The following BPIFA2 variants were observed in gnomAD, a reference collection of about 807,000 sequenced individuals.
BPIFA2 encodes the protein BPI fold-containing family A member 2.
A neutral mutation model predicts 25.7 loss-of-function variants in BPIFA2; 20 were observed. That is an observed-to-expected ratio of 0.78 (90% confidence interval 0.55 to 1.13). The LOEUF is 1.13. Ranked by LOEUF, BPIFA2 falls within the 50% of genes most tolerant of loss-of-function variation. BPIFA2 has a pLI of 0.00. For synonymous variants in BPIFA2, 126 were observed against 124.3 expected, an observed-to-expected ratio of 1.01 and a Z score of -0.09; for missense variants, 300 against 298.1, an observed-to-expected ratio of 1.01 and a Z score of -0.05.
intron 2 of BPIFA2, among the ~76,000 whole-genome samples, chr20:33,169,877 C>T (rs1983843054): frequency 6.6e-6 from 1 of 152,160 alleles, no homozygotes; most frequent in Non-Finnish European, 1.5e-5. Flanking sequence ...GAAATTATCC[C>T]TACCTAGCCT....
chr20:33,176,801 T>C (rs370279543), intron 5 of BPIFA2, among the ~76,000 whole-genome samples: 2 of 152,204 alleles, frequency 1.3e-5, no homozygotes, highest in East Asian at 1.9e-4. Context: ...TGTGCCCAGA[T>C]ACAGTGGCCT....
At chr20:33,163,192 GA>G (rs200194357), upstream of BPIFA2, among the ~76,000 whole-genome samples, 819 of 152,306 alleles carry the variant, frequency 5.4e-3, 2 homozygotes, top group Middle Eastern at 0.014. Flanking sequence ...GGGAAGGAAG[GA>G]CTCTTCTTGT....
chr20:33,178,121 C>G (rs186551834), intron 5 of BPIFA2, 26 bp from the exon 6 acceptor site: 2 of 1,559,464 alleles, frequency 1.3e-6, no homozygotes, highest in Non-Finnish European at 1.8e-6. Flanking sequence ...CTTGACCAGA[C>G]TTTAATAGTT....
chr20:33,177,461 G>A (rs1332161239), intron 5 of BPIFA2, among the ~76,000 whole-genome samples: 2 of 152,152 alleles, frequency 1.3e-5, no homozygotes, highest in Non-Finnish European at 2.9e-5. Flanking sequence ...CTGTTCTTGC[G>A]GAGCTTACCC....
intron 2 of BPIFA2, among the ~76,000 whole-genome samples, chr20:33,171,300 G>A (rs1018043864): frequency 1.3e-5 from 2 of 152,126 alleles, no homozygotes; most frequent in Non-Finnish European, 2.9e-5. Flanking sequence ...GATGGGAATA[G>A]CAGTGAATCT....
In BPIFA2 at chr20:33,169,316, G is replaced by A; in HGVS notation, c.157+14G>A. The A allele has an allele frequency of 6.2e-7, 1 of 1,612,840 alleles. No homozygotes were observed. Among genetic ancestry groups the A allele is most frequent in the Non-Finnish European group, 8.5e-7 (1 of 1,178,906 alleles). The stretch of plus-strand genomic sequence containing the variant: ...ATACTCTTAAAGGTAAATCAACAAG[G>A]GTGATGAACAGTGTCACCTAAATTA... On this transcript the variant is annotated intron_variant, in intron 2 of 8. Transcript: ENST00000354932.
Position 33,180,608 on chromosome 20 carries a change from A to C in BPIFA2, c.*37+11A>C. On this transcript the variant is annotated intron_variant, in intron 8 of 8. Transcript: ENST00000354932. ...CTGTGGTGCATGCTGGTGAGGAGCC[A>C]GTCTCTGTGCCCCAATGCACAGGGG... 1 of 1,574,392 alleles carries C rather than the reference A, an allele frequency of 6.4e-7. No individual in the cohort carries two copies. Among genetic ancestry groups the C allele is most frequent in the Non-Finnish European group, 8.7e-7 (1 of 1,144,014 alleles).
In BPIFA2 at chr20:33,178,180, C is replaced by T. The variant is rs1984148466; in HGVS notation, c.597C>T (p.Ser199=). The T allele has an allele frequency of 1.9e-6, 3 of 1,607,568 alleles. No individual in the cohort carries two copies. The highest frequency in any genetic ancestry group is 1.1e-5 in the South Asian group (1 of 90,306). Residue 199 remains serine, a synonymous_variant, in exon 6 of 9, where the codon AGC becomes AGT. Transcript: ENST00000354932. ...AAATCATCAACAAGTTCGTGAATAG[C>T]GTGATCAACACGCTGAAAAGCACTG... ...HSQIINKFVN[S]VINTLKSTVS...
intron 5 of BPIFA2, 74 bp downstream of exon 5, chr20:33,175,633 TACC>T: frequency 9.4e-6 from 14 of 1,496,290 alleles, no homozygotes; most frequent in African/African-American, 1.4e-5. Flanking sequence ...TCTAGTCCTC[TACC>T]TAAGAGGAGG....
chr20:33,173,900 A>G (rs1209388525), intron 3 of BPIFA2, among the ~76,000 whole-genome samples, 179 bp from the exon 4 acceptor site: 2 of 152,188 alleles, frequency 1.3e-5, no homozygotes, highest in African/African-American at 4.8e-5. Context: ...CACCAGCCTG[A>G]GCCTCAGTGT....
Position 33,174,116 on chromosome 20 carries a change from G to C in BPIFA2, c.340G>C (p.Ala114Pro). The C allele has an allele frequency of 6.2e-7, 1 of 1,614,202 alleles. No homozygotes were observed. The highest frequency in any genetic ancestry group is 8.5e-7 in the Non-Finnish European group (1 of 1,180,042). Residue 114 changes from alanine to proline, a missense_variant, in exon 4 of 9, where the codon GCT becomes CCT. Physicochemically the swap from Ala to Pro is conservative, Grantham distance 27. Transcript: ENST00000354932. ...ISNSLILDVK[A>P]EPIDDGKGLN... The stretch of plus-strand genomic sequence containing the variant: ...CAACTCCCTCATCCTGGATGTCAAA[G>C]CTGAACCGATCGATGATGGCAAAGG...
intron 2 of BPIFA2, 137 bp from the exon 3 acceptor site, chr20:33,172,795 A>T (rs868594602): frequency 5.2e-6 from 5 of 955,904 alleles, no homozygotes; most frequent in African/African-American, 1.7e-5. Context: ...AAAAGCAGAC[A>T]GTGACAATAT....
chr20:33,180,622 A>G, intron 8 of BPIFA2, 25 bp downstream of exon 8: 1 of 1,511,714 alleles, frequency 6.6e-7, no homozygotes, highest in Non-Finnish European at 9.2e-7. Context: ...TCTGTGCCCC[A>G]ATGCACAGGG....
intron 2 of BPIFA2, among the ~76,000 whole-genome samples, chr20:33,172,492 A>G (rs961171502): frequency 6.6e-6 from 1 of 151,900 alleles, no homozygotes. Flanking sequence ...GATTGGAGCC[A>G]TTTTTTCTCC....
intron 3 of BPIFA2, among the ~76,000 whole-genome samples, chr20:33,173,713 A>G (rs1387384414): frequency 6.6e-6 from 1 of 152,194 alleles, no homozygotes; most frequent in African/African-American, 2.4e-5. Context: ...CATGTTGGTC[A>G]GGCTGGTCTC....
At chr20:33,167,148 C>T (rs138994266), upstream of BPIFA2, among the ~76,000 whole-genome samples, 79 of 152,310 alleles carry the variant, frequency 5.2e-4, no homozygotes, top group Non-Finnish European at 1.1e-3. Context: ...CCACCGTTTG[C>T]TTGGTTGCAT....
At chr20:33,166,280 G>A (rs1983721145), upstream of BPIFA2, among the ~76,000 whole-genome samples, 1 of 152,160 alleles carries the variant, frequency 6.6e-6, no homozygotes, top group African/African-American at 2.4e-5. Context: ...GCCTCCCAAA[G>A]TGCTGGGATT....
upstream of BPIFA2, among the ~76,000 whole-genome samples, chr20:33,164,552 C>CCT (rs968625452): frequency 2.9e-4 from 44 of 149,762 alleles, no homozygotes; most frequent in African/African-American, 9.1e-4. Flanking sequence ...CTCCACATCC[C>CCT]CTCTCTCTCT....
intron 3 of BPIFA2, among the ~76,000 whole-genome samples, chr20:33,173,866 C>T (rs1983984289): frequency 6.6e-6 from 1 of 152,106 alleles, no homozygotes; most frequent in Non-Finnish European, 1.5e-5. Flanking sequence ...GCACTTACTC[C>T]CCTAGGAATC....
Sources: allele counts gnomAD v4.1 joint callset (sites outside exome capture counted in the v4.1 genomes callset), GRCh38; gene constraint gnomAD v4.1.1; transcripts MANE v1.5; gene names NCBI Gene and HGNC (gene_info 2026-07-23, HGNC 2026-07-21).